TMIGD2: variants seen among roughly 807,000 people sequenced by gnomAD.
TMIGD2 encodes the protein transmembrane and immunoglobulin domain-containing protein 2.
Under a neutral mutation model 22.6 loss-of-function variants are expected in TMIGD2, and 18 were observed. The observed-to-expected ratio is 0.80, with a 90% CI of 0.55 to 1.18. The LOEUF is 1.18. Among genes scored for constraint, TMIGD2 ranks in the 50% most tolerant of loss-of-function variants. The pLI is 0.00. For synonymous variants in TMIGD2, 184 were observed against 154.1 expected (o/e 1.19, Z -1.44); for missense variants, 361 against 378.2 (o/e 0.95, Z 0.38).
intron 1 of TMIGD2, among the ~76,000 whole-genome samples, chr19:4,301,563 G>A (rs1168300835): frequency 6.6e-6 from 1 of 152,162 alleles, no homozygotes. Context: ...CCAGCTACTC[G>A]GGAGCCTGAG....
intron 2 of TMIGD2, among the ~76,000 whole-genome samples, chr19:4,296,449 C>T (rs1971461884): frequency 6.6e-6 from 1 of 152,310 alleles, no homozygotes; most frequent in Non-Finnish European, 1.5e-5. Context: ...GCACCCCAAC[C>T]CCCTTCTTTT....
At chr19:4,293,692 G>A (rs1375413838) in intron 4 of TMIGD2, among the ~76,000 whole-genome samples, 1 of 151,774 alleles carries the variant, frequency 6.6e-6, no homozygotes, top group Non-Finnish European at 1.5e-5. Context: ...CGCCTCCCAG[G>A]TTCAAGCAAT....
At chr19:4,302,277 G>T in intron 1 of TMIGD2, 63 bp downstream of exon 1, 3 of 1,516,374 alleles carry the variant, frequency 2.0e-6, no homozygotes, top group East Asian at 2.5e-5. Context: ...TGAGCTGGGG[G>T]GCAGGCAGCT....
At chr19:4,292,837 T>C in exon 5 of TMIGD2, 1 of 1,613,908 alleles carries the variant, frequency 6.2e-7, no homozygotes, top group Non-Finnish European at 8.5e-7. Flanking sequence ...CTCACTCTTC[T>C]TTGGGGCCCC....
rs1223910504 is a variant in TMIGD2, at chr19:4,295,260, C to CAAAAAAA, written c.407-451_407-445dup. Among the ~76,000 whole-genome samples, 383 of 78,968 alleles carry CAAAAAAA rather than the reference C, an allele frequency of 4.9e-3. 8 individuals carry two copies. The highest frequency in any genetic ancestry group is 8.9e-3 in the Middle Eastern group (1 of 112). 51.8% of individuals were successfully genotyped at this position (78,968 alleles called of 152,430 possible). A position where few individuals can be genotyped will look rare whatever the true frequency, so the allele number is the denominator to read the frequency against. On this transcript the variant is annotated intron_variant, in intron 2 of 4. Coordinates refer to ENST00000301272, the Ensembl canonical transcript of TMIGD2. ...TGGGTGACAGAGCAAGACTCTGCCT[C>CAAAAAAA]AAAAAAAAAAAAAAAGAAGGCCAGG... is the stretch of plus-strand genomic sequence containing the variant.
At chr19:4,294,498 G>A in intron 4 of TMIGD2, 81 bp downstream of exon 4, 3 of 1,356,164 alleles carry the variant, frequency 2.2e-6, no homozygotes, top group South Asian at 1.2e-5. Flanking sequence ...CCCCAGGCGG[G>A]AGCACAGATG....
At position 4,298,568 on chromosome 19, in the gene TMIGD2, T is replaced by A. The variant is rs143655831; in HGVS notation, c.47-223A>T. ...CCTGGGAACATAGCAAGACCTCATC[T>A]CTACAATAAATATTTAAAAAGTAGC... is the stretch of plus-strand genomic sequence containing the variant. On this transcript the variant is annotated intron_variant, in intron 1 of 4. Transcript: ENST00000301272. 4.1e-4 allele frequency among the ~76,000 whole-genome samples: 63 copies of A among 152,188 alleles called. 1 individual carries two copies. In the East Asian group the frequency reaches 8.5e-3, roughly 21 times the overall value.
chr19:4,294,882 T>C (rs1971440695), intron 2 of TMIGD2, 66 bp from the exon 3 acceptor site: 23 of 1,455,012 alleles, frequency 1.6e-5, no homozygotes, highest in Non-Finnish European at 2.1e-5. Flanking sequence ...CAGAGCTCAC[T>C]TGGGGGGACC....
chr19:4,293,162 A>AT (rs1971407229), intron 4 of TMIGD2, among the ~76,000 whole-genome samples: 2 of 150,994 alleles, frequency 1.3e-5, no homozygotes. Context: ...ACGGGGTTTC[A>AT]CTGTTAGCCA....
rs1346908722 is a variant in TMIGD2, at chr19:4,297,905, T to C, written c.406+81A>G. ...ATATGAAGAATTTAGAGTTTTTTGT[T>C]TCTAGGAGTTTAAGACTCAAAAGTC... is the stretch of plus-strand genomic sequence containing the variant. On this transcript the variant is annotated intron_variant, in intron 2 of 4. Transcript: ENST00000301272. 9 of 1,452,952 alleles carry C rather than the reference T, an allele frequency of 6.2e-6. No homozygotes were observed. The African/African-American group carries it at 1.3e-4, about 21-fold the overall frequency. 90.0% of individuals were successfully genotyped at this position (1,452,952 alleles called of 1,614,324 possible).
chr19:4,300,581 C>T (rs1464382991), intron 1 of TMIGD2, among the ~76,000 whole-genome samples: 1 of 152,172 alleles, frequency 6.6e-6, no homozygotes, highest in Admixed American at 6.6e-5. Context: ...ACAAAACATT[C>T]CTGGGCTCAT....
exon 1 of TMIGD2, chr19:4,302,383 C>A: frequency 6.4e-7 from 1 of 1,563,788 alleles, no homozygotes; most frequent in East Asian, 2.4e-5. Flanking sequence ...CCGGGGACCC[C>A]ATTCCTGGCC....
At chr19:4,295,215 C>A (rs974863729) in intron 2 of TMIGD2, among the ~76,000 whole-genome samples, 1 of 145,124 alleles carries the variant, frequency 6.9e-6, no homozygotes, top group African/African-American at 2.6e-5. Flanking sequence ...GAGCCGAGAT[C>A]GTGTCACTAC....
At chr19:4,294,670 G>A (rs759388875) in exon 4 of TMIGD2, 29 of 1,592,120 alleles carry the variant, frequency 1.8e-5, no homozygotes, top group Middle Eastern at 1.7e-4. Flanking sequence ...CCAGCAGCAC[G>A]AAGAGGAATC....
chr19:4,298,341 C>A, exon 2 of TMIGD2: 2 of 1,571,938 alleles, frequency 1.3e-6, no homozygotes, highest in Admixed American at 1.8e-5. Flanking sequence ...AGGCTTCTTG[C>A]AGGGCTGGAG....
At chr19:4,297,858 T>TAA (rs11303106) in intron 2 of TMIGD2, 128 bp downstream of exon 2, 121 of 1,052,204 alleles carry the variant, frequency 1.1e-4, no homozygotes, top group Middle Eastern at 2.8e-4. Flanking sequence ...CTCTGTCTCT[T>TAA]AAAAAAAAAA....
At chr19:4,301,478 C>T (rs7253766) in intron 1 of TMIGD2, among the ~76,000 whole-genome samples, 1 of 151,952 alleles carries the variant, frequency 6.6e-6, no homozygotes, top group African/African-American at 2.4e-5. Context: ...ACCCACCTGG[C>T]CGAGATGGCG....
chr19:4,292,534 G>A (rs748660471), exon 5 of TMIGD2: 61 of 1,497,252 alleles, frequency 4.1e-5, no homozygotes, highest in Non-Finnish European at 5.6e-5. Context: ...ACCGTGTCTG[G>A]CCTCGATCCC....
At chr19:4,301,898 T>G (rs548780194) in intron 1 of TMIGD2, among the ~76,000 whole-genome samples, 1 of 151,646 alleles carries the variant, frequency 6.6e-6, no homozygotes, top group Non-Finnish European at 1.5e-5. Context: ...CCCGGAGAAG[T>G]TGAGGTTATG....
Sources: gnomAD v4.1 joint callset for allele counts (sites outside exome capture counted in the v4.1 genomes callset) on GRCh38, gnomAD v4.1.1 for gene constraint, MANE v1.5 for transcripts, NCBI Gene and HGNC (gene_info 2026-07-23, HGNC 2026-07-21) for gene names.